The following NCOA2 variants were observed in gnomAD, a reference collection of about 807,000 sequenced individuals.
The protein encoded by NCOA2 is nuclear receptor coactivator 2.
NCOA2 carries 21 observed loss-of-function variants against 145.1 expected under a neutral mutation model. That is an observed-to-expected ratio of 0.14 (90% CI 0.10 to 0.21). NCOA2 has a LOEUF of 0.21. NCOA2 is among the 10% of genes least tolerant of loss of function. The pLI is 1.00. For missense variants in NCOA2, 1,472 were observed against 1,837.6 expected, an observed-to-expected ratio of 0.80 and a Z score of 3.64; for synonymous variants, 619 against 637.5, an observed-to-expected ratio of 0.97 and a Z score of 0.44.
At chr8:70,200,607 C>A (rs917878305) in intron 4 of NCOA2, among the ~76,000 whole-genome samples, 3 of 152,094 alleles carry the variant, frequency 2.0e-5, no homozygotes, top group African/African-American at 7.2e-5. Flanking sequence ...ATTGAAGGAA[C>A]AATAATTGCT....
At chr8:70,148,556 T>C in intron 11 of NCOA2, 73 bp from the exon 12 acceptor site, 1 of 1,394,656 alleles carries the variant, frequency 7.2e-7, no homozygotes. Flanking sequence ...TTGCAATCAC[T>C]GACCTAACTG....
rs887469752 is a variant in NCOA2 at position 70,162,845 on chromosome 8, G to A, written c.842C>T (p.Thr281Met). ...TCTCATGGTGCTGGTATCCAGAGACGTGATCTTGCCTATTAAGTAACAGCA... is the reference window on the plus strand; with the variant it reads ...TCTCATGGTGCTGGTATCCAGAGACATGATCTTGCCTATTAAGTAACAGCA... ...TTRQDLQGKI[T>M]SLDTSTMRAA... Residue 281 changes from threonine (T) to methionine (M), a missense_variant, in exon 9 of 23, where the codon ACG becomes ATG. Physicochemically the swap from Thr to Met is moderately conservative, Grantham distance 81 (BLOSUM62 -1). This residue lies in a region of NCOA2 where 284 missense variants were observed against 467.8 expected (regional missense o/e 0.61). Coordinates refer to ENST00000452400, the MANE Select transcript of NCOA2 (RefSeq NM_006540.4). 5 of 1,612,164 alleles carry A rather than the reference G, an allele frequency of 3.1e-6. No individual in the cohort carries two copies. The Admixed American group carries it at 6.7e-5, about 22-fold the overall frequency.
At chr8:70,208,617 G>A (rs2133769533) in intron 4 of NCOA2, among the ~76,000 whole-genome samples, 1 of 152,350 alleles carries the variant, frequency 6.6e-6, no homozygotes, top group Non-Finnish European at 1.5e-5. Flanking sequence ...GATGCAGCTG[G>A]TGACTTGAAG....
chr8:70,448,861 G>A, the NCOA2 span, among the ~76,000 whole-genome samples: 3 of 150,998 alleles, frequency 2.0e-5, no homozygotes, highest in Admixed American at 2.0e-4. Flanking sequence ...CTGGAATGCA[G>A]TGGTGCAATC....
intron 12 of NCOA2, 84 bp downstream of exon 12, chr8:70,148,189 G>T: frequency 7.4e-7 from 1 of 1,349,098 alleles, no homozygotes; most frequent in Non-Finnish European, 1.1e-6. Context: ...GACTAAGCTG[G>T]TTGCATCAGA....
chr8:70,171,436 C>A (rs1814243487), intron 5 of NCOA2, among the ~76,000 whole-genome samples: 1 of 152,202 alleles, frequency 6.6e-6, no homozygotes, highest in Non-Finnish European at 1.5e-5. Flanking sequence ...CTCTAATATT[C>A]ATTCACCCCT....
At chr8:70,321,481 C>T (rs1442565794) in intron 1 of NCOA2, among the ~76,000 whole-genome samples, 1 of 151,996 alleles carries the variant, frequency 6.6e-6, no homozygotes, top group Admixed American at 6.6e-5. Flanking sequence ...AATATAACAT[C>T]ACTTTGTAAC....
chr8:70,204,007 T>C (rs974873981), intron 4 of NCOA2, among the ~76,000 whole-genome samples: 5 of 152,120 alleles, frequency 3.3e-5, no homozygotes, highest in Non-Finnish European at 4.4e-5. Flanking sequence ...ATACTTCTTT[T>C]CATAGGATTC....
At chr8:70,407,196 T>C (rs1276312552), upstream of NCOA2, among the ~76,000 whole-genome samples, 1 of 152,242 alleles carries the variant, frequency 6.6e-6, no homozygotes, top group Non-Finnish European at 1.5e-5. Flanking sequence ...AACATTTGTT[T>C]GTCAATTTGA....
At chr8:70,315,441 T>C (rs1245411346) in intron 1 of NCOA2, among the ~76,000 whole-genome samples, 1 of 152,236 alleles carries the variant, frequency 6.6e-6, no homozygotes, top group Non-Finnish European at 1.5e-5. Context: ...AACCATATTA[T>C]TAATACTTAT....
intron 5 of NCOA2, among the ~76,000 whole-genome samples, chr8:70,173,319 TC>T (rs1352005791): frequency 1.3e-5 from 2 of 151,960 alleles, no homozygotes; most frequent in African/African-American, 4.8e-5. Flanking sequence ...ACTCTAATGT[TC>T]CCCCCACCCC....
chr8:70,345,193 T>C (rs554553418), intron 1 of NCOA2, among the ~76,000 whole-genome samples: 1 of 152,358 alleles, frequency 6.6e-6, no homozygotes, highest in African/African-American at 2.4e-5. Flanking sequence ...TATGGGACTC[T>C]AGGGGTAAAC....
At chr8:70,225,237 A>G (rs918835496) in intron 2 of NCOA2, among the ~76,000 whole-genome samples, 3 of 152,130 alleles carry the variant, frequency 2.0e-5, no homozygotes, top group Non-Finnish European at 4.4e-5. Context: ...CACATCAGAT[A>G]GTGATTAGAG....
At chr8:70,180,149 C>G (rs1246301469) in intron 4 of NCOA2, among the ~76,000 whole-genome samples, 1 of 152,188 alleles carries the variant, frequency 6.6e-6, no homozygotes, top group Non-Finnish European at 1.5e-5. Flanking sequence ...TAATTCTATC[C>G]TTGTCTTCCT....
intron 22 of NCOA2, among the ~76,000 whole-genome samples, chr8:70,117,569 A>G (rs1388311211): frequency 6.6e-6 from 1 of 152,246 alleles, no homozygotes; most frequent in Non-Finnish European, 1.5e-5. Flanking sequence ...GAGTGGCACC[A>G]AAGAAGAAAA....
intron 2 of NCOA2, among the ~76,000 whole-genome samples, chr8:70,217,438 C>A (rs1444418296): frequency 6.6e-6 from 1 of 152,098 alleles, no homozygotes; most frequent in Non-Finnish European, 1.5e-5. Context: ...CGCCTCCCTG[C>A]ACACAGCATG....
intron 2 of NCOA2, among the ~76,000 whole-genome samples, chr8:70,249,353 T>C (rs912117102): frequency 2.0e-5 from 3 of 152,126 alleles, no homozygotes; most frequent in African/African-American, 7.2e-5. Context: ...TATGAAAAAA[T>C]GCTTTTGAAG....
the NCOA2 span, among the ~76,000 whole-genome samples, chr8:70,441,030 AAAT>A: frequency 7.8e-6 from 1 of 127,546 alleles, no homozygotes; most frequent in South Asian, 2.7e-4. Context: ...GGAAGGAAAG[AAAT>A]GAAAGAAAGA....
Position 70,156,264 on chromosome 8 carries a change from C to A in NCOA2, c.2101G>T (p.Val701Leu). 1 of 1,613,962 alleles carries A rather than the reference C, an allele frequency of 6.2e-7. No homozygotes were observed. Among genetic ancestry groups the A allele is most frequent in the Non-Finnish European group, 8.5e-7 (1 of 1,179,886 alleles). Residue 701 changes from valine to leucine, a missense_variant, in exon 11 of 23, where the codon GTG becomes TTG. Val to Leu is a conservative substitution (Grantham distance 32). This residue lies in a region of NCOA2 where 953 missense variants were observed against 1,062.1 expected (regional missense o/e 0.90). Coordinates refer to ENST00000452400, the MANE Select transcript of NCOA2 (RefSeq NM_006540.4). ...HRLLQDSSSP[V>L]DLAKLTAEAT... ...TCTGCTGTTAACTTGGCCAAGTCCACAGGGGAACTGCTGTCCTGCAAGAGT... is the reference window on the plus strand; with the variant it reads ...TCTGCTGTTAACTTGGCCAAGTCCAAAGGGGAACTGCTGTCCTGCAAGAGT...
Sources: allele counts gnomAD v4.1 joint callset (sites outside exome capture counted in the v4.1 genomes callset), GRCh38; gene constraint gnomAD v4.1.1; regional missense constraint gnomAD v4.1.1; transcripts MANE v1.5; gene names NCBI Gene and HGNC (gene_info 2026-07-23, HGNC 2026-07-21).